The following CRIM1 variants were observed in gnomAD, a reference collection of about 807,000 sequenced individuals.
CRIM1 encodes the protein cysteine rich transmembrane BMP regulator 1, also known as cysteine-rich motor neuron 1 protein.
CRIM1 carries 32 observed loss-of-function variants against 116.4 expected under a neutral mutation model. The ratio of observed to expected loss-of-function variants is 0.27; its 90% CI spans 0.21 to 0.37. The LOEUF (loss-of-function observed/expected upper bound fraction) is 0.37. Ranked by LOEUF, CRIM1 falls within the 10% of genes least tolerant of loss-of-function variation. The pLI, the probability that CRIM1 is intolerant of heterozygous loss-of-function variation, is 1.00. For missense variants in CRIM1, 1,331 were observed against 1,354.8 expected (o/e 0.98, Z 0.28); for synonymous variants, 590 against 509.2 (o/e 1.16, Z -2.13).
chr2:36,480,457 C>T (rs185929755), intron 7 of CRIM1, among the ~76,000 whole-genome samples: 23 of 152,278 alleles, frequency 1.5e-4, no homozygotes, highest in Non-Finnish European at 2.9e-5. Flanking sequence ...AGTACATTTG[C>T]ATAGTAAAAT....
At chr2:36,390,815 TTTA>T (rs2148360624) in intron 1 of CRIM1, among the ~76,000 whole-genome samples, 1 of 152,170 alleles carries the variant, frequency 6.6e-6, no homozygotes, top group African/African-American at 2.4e-5. Flanking sequence ...CTTATTTTTA[TTTA>T]TTTATTTTTT....
At chr2:36,521,777 G>A (rs1665411918) in intron 12 of CRIM1, among the ~76,000 whole-genome samples, 1 of 152,200 alleles carries the variant, frequency 6.6e-6, no homozygotes, top group African/African-American at 2.4e-5. Flanking sequence ...GAACAGAATT[G>A]TCCCATTTAC....
intron 2 of CRIM1, among the ~76,000 whole-genome samples, chr2:36,420,380 C>G (rs918097154): frequency 4.6e-5 from 7 of 152,130 alleles, no homozygotes; most frequent in Non-Finnish European, 1.0e-4. Flanking sequence ...GATTTCACAG[C>G]AGGGAGAGGT....
At chr2:36,384,423 C>T (rs1465942678) in intron 1 of CRIM1, among the ~76,000 whole-genome samples, 2 of 152,224 alleles carry the variant, frequency 1.3e-5, no homozygotes, top group East Asian at 1.9e-4. Context: ...ATCTCTGGGA[C>T]CCCCAAAGTG....
chr2:36,437,384 AAG>A (rs1675400528), intron 2 of CRIM1, among the ~76,000 whole-genome samples: 1 of 151,990 alleles, frequency 6.6e-6, no homozygotes, highest in African/African-American at 2.4e-5. Context: ...CAAAAAAAAA[AAG>A]AGTTAGTGTA....
At chr2:36,540,538 A>G (rs1303782228) in intron 14 of CRIM1, among the ~76,000 whole-genome samples, 2 of 152,008 alleles carry the variant, frequency 1.3e-5, no homozygotes, top group East Asian at 3.8e-4. Context: ...GGTCAAGGCC[A>G]GTGCCTCTGG....
intron 7 of CRIM1, among the ~76,000 whole-genome samples, chr2:36,481,557 G>T (rs1222477503): frequency 1.3e-5 from 2 of 152,160 alleles, no homozygotes; most frequent in African/African-American, 4.8e-5. Flanking sequence ...GCTGAGTTTT[G>T]AATTAAACCA....
Position 36,537,433 on chromosome 2 carries a change from G to A in CRIM1, c.2510G>A (p.Cys837Tyr). Residue 837 changes from cysteine to tyrosine, a missense_variant, in exon 14 of 17, where the codon TGC becomes TAC. Transcript: ENST00000280527. Reference protein sequence around the residue: ...ADEERWDLDSCTHCYCLQGQT... With the variant: ...ADEERWDLDSYTHCYCLQGQT... ...GAGGAGCGGTGGGACCTTGACAGCT[G>A]CACCCACTGCTACTGCCTGCAGGGC... is the stretch of plus-strand genomic sequence containing the variant. The A allele has an allele frequency of 6.2e-7, 1 of 1,614,212 alleles. No individual in the cohort carries two copies. The highest frequency in any genetic ancestry group is 8.5e-7 in the Non-Finnish European group (1 of 1,180,044).
rs1220667180 is a variant in CRIM1, at chr2:36,537,507, C to T, written c.2584C>T (p.Pro862Ser). Residue 862 changes from proline (P) to serine (S), a missense_variant, in exon 14 of 17, where the codon CCC becomes TCC. This residue lies in a region of CRIM1 where 283 missense variants were observed against 242.8 expected (regional missense o/e 1.17). Coordinates refer to ENST00000280527, the MANE Select transcript of CRIM1 (RefSeq NM_016441.3). ...VSCPPLPCVE[P>S]INVEGSCCPM... is the part of the protein sequence containing the mutation. ...CTGCCCCCCTCTGCCCTGTGTTGAG[C>T]CCATCAACGTGGAAGGAAGTTGCTG... 7.4e-6 allele frequency: 12 copies of T among 1,613,434 alleles called. No individual in the cohort carries two copies. Among genetic ancestry groups the T allele is most frequent in the Non-Finnish European group, 1.0e-5 (12 of 1,179,790 alleles).
At position 36,396,655 on chromosome 2, in the gene CRIM1, T is replaced by C. The variant is rs1169853392; in HGVS notation, c.373T>C (p.Cys125Arg). 6.2e-7 allele frequency: 1 copy of C among 1,612,204 alleles called. No individual in the cohort carries two copies. Among genetic ancestry groups the C allele is most frequent in the East Asian group, 2.2e-5 (1 of 44,826 alleles). Reference sequence around the variant, plus strand: ...TGACCAACTGCTTGGTTTTAAACCATGCAATGAAAACCTTATTGCTGGCTG... The same window carrying C: ...TGACCAACTGCTTGGTTTTAAACCACGCAATGAAAACCTTATTGCTGGCTG... ...TDDQLLGFKPCNENLIAGCNI... is the reference protein window; with the variant it reads ...TDDQLLGFKPRNENLIAGCNI... Residue 125 changes from cysteine to arginine, a missense_variant, in exon 2 of 17, where the codon TGC becomes CGC. Cys to Arg is a radical substitution (Grantham distance 180). This residue lies in a region of CRIM1 where 690 missense variants were observed against 676.0 expected (regional missense o/e 1.02). Transcript: ENST00000280527.
intron 5 of CRIM1, among the ~76,000 whole-genome samples, chr2:36,468,352 G>A (rs1678212463): frequency 1.3e-5 from 2 of 152,332 alleles, no homozygotes; most frequent in Admixed American, 6.5e-5. Flanking sequence ...TGCAGAGAGA[G>A]CATCCTCCAT....
intron 2 of CRIM1, among the ~76,000 whole-genome samples, chr2:36,424,523 A>T (rs926479264): frequency 2.0e-5 from 3 of 152,190 alleles, no homozygotes; most frequent in African/African-American, 7.2e-5. Context: ...AGGCCATGGT[A>T]TGCTCATCCA....
At chr2:36,392,528 A>G (rs895389253) in intron 1 of CRIM1, among the ~76,000 whole-genome samples, 4 of 152,080 alleles carry the variant, frequency 2.6e-5, no homozygotes, top group Middle Eastern at 3.2e-3. Context: ...TGTGCTGTGT[A>G]TGTGGATTTA....
At chr2:36,414,601 TCTC>T (rs1673462641) in intron 2 of CRIM1, among the ~76,000 whole-genome samples, 1 of 152,182 alleles carries the variant, frequency 6.6e-6, no homozygotes, top group South Asian at 2.1e-4. Flanking sequence ...TGAGAAAGTC[TCTC>T]CTCTGAAGAG....
chr2:36,416,027 G>A (rs528940677), intron 2 of CRIM1, among the ~76,000 whole-genome samples: 22 of 152,276 alleles, frequency 1.4e-4, no homozygotes, highest in South Asian at 4.1e-4. Context: ...GGGCAACATG[G>A]TGAAACCCTG....
intron 1 of CRIM1, among the ~76,000 whole-genome samples, chr2:36,374,368 G>A (rs1670158899): frequency 6.6e-6 from 1 of 152,050 alleles, no homozygotes; most frequent in South Asian, 2.1e-4. Context: ...TACTGTAAAG[G>A]GATAACTTTA....
At chr2:36,377,056 C>T (rs911840934) in intron 1 of CRIM1, among the ~76,000 whole-genome samples, 4 of 152,170 alleles carry the variant, frequency 2.6e-5, no homozygotes, top group African/African-American at 9.6e-5. Flanking sequence ...TGCCTCCCCC[C>T]ATGTGGGTTC....
Position 36,534,945 on chromosome 2 carries a change from C to G in CRIM1, c.2429-2407C>G, listed in dbSNP as rs114827860. 5.8e-3 allele frequency among the ~76,000 whole-genome samples: 887 copies of G among 152,208 alleles called. 7 individuals are homozygous for G. Among genetic ancestry groups the G allele is most frequent in the African/African-American group, 0.018 (749 of 41,538 alleles). ...AATATAATCAGTGATACTGCTCTAT[C>G]AAACATTGCTTCTTTTCATAAAGAA... On this transcript the variant is annotated intron_variant, in intron 13 of 16. Coordinates refer to ENST00000280527, the MANE Select transcript of CRIM1 (RefSeq NM_016441.3).
At chr2:36,392,037 G>C (rs1458069122) in intron 1 of CRIM1, among the ~76,000 whole-genome samples, 3 of 152,126 alleles carry the variant, frequency 2.0e-5, no homozygotes, top group Admixed American at 2.0e-4. Context: ...ATGTTCTGTG[G>C]GATGAAATGG....
Sources: gnomAD v4.1 joint callset for allele counts (sites outside exome capture counted in the v4.1 genomes callset) on GRCh38, gnomAD v4.1.1 for gene constraint, gnomAD v4.1.1 regional missense constraint, MANE v1.5 for transcripts, NCBI Gene and HGNC (gene_info 2026-07-23, HGNC 2026-07-21) for gene names.